The following BEND3 variants were observed in gnomAD, a reference collection of about 807,000 sequenced individuals.
BEND3 encodes BEN domain-containing protein 3.
In BEND3, 13 loss-of-function variants were observed where a neutral mutation model predicts 60.1. The observed-to-expected ratio is 0.22, with a 90% CI of 0.14 to 0.34. The LOEUF is 0.34. Among genes scored for constraint, BEND3 ranks in the 10% least tolerant of loss-of-function variants. The pLI is 1.00. For synonymous variants in BEND3, 497 were observed against 491.5 expected, an observed-to-expected ratio of 1.01 and a Z score of -0.15; for missense variants, 896 against 1,138.1, an observed-to-expected ratio of 0.79 and a Z score of 3.06.
At chr6:107,097,299 G>C (rs998008379) in intron 3 of BEND3, among the ~76,000 whole-genome samples, 1 of 150,192 alleles carries the variant, frequency 6.7e-6, no homozygotes, top group Non-Finnish European at 1.5e-5. Flanking sequence ...CCCAGGAGGC[G>C]GAGGTTGCGG....
rs2114990860 is a variant in BEND3, at chr6:107,068,423, C to T, written c.*281G>A. 2.6e-6 allele frequency: 1 copy of T among 388,110 alleles called. No homozygotes were observed. Among genetic ancestry groups the T allele is most frequent in the Non-Finnish European group, 4.6e-6 (1 of 217,120 alleles). 24.0% of individuals were successfully genotyped at this position (388,110 alleles called of 1,614,324 possible). On this transcript the variant is annotated 3_prime_UTR_variant, in exon 4 of 4. Coordinates refer to ENST00000369042, the MANE Select transcript of BEND3 (RefSeq NM_001367314.1). The surrounding 1 kb of genome is among the most constrained non-coding windows in gnomAD (Gnocchi z 5.8). ...AGGGCACAACCAGGGAGAGAGGACCCCTAACCTCTGGTCCCTGCCCTCACA... is the reference window on the plus strand; with the variant it reads ...AGGGCACAACCAGGGAGAGAGGACCTCTAACCTCTGGTCCCTGCCCTCACA...
chr6:107,111,512 G>GA (rs66605251), intron 1 of BEND3, among the ~76,000 whole-genome samples: 97 of 149,906 alleles, frequency 6.5e-4, no homozygotes, highest in African/African-American at 2.3e-3. Flanking sequence ...CTGCATCTCA[G>GA]AAAAAAAAAA....
intron 1 of BEND3, among the ~76,000 whole-genome samples, chr6:107,100,779 A>G (rs1321130316): frequency 1.3e-5 from 2 of 152,248 alleles, no homozygotes; most frequent in Non-Finnish European, 2.9e-5. Context: ...ACATTTGGAG[A>G]ATATACATTG....
At chr6:107,102,035 G>A (rs1317746565) in intron 1 of BEND3, among the ~76,000 whole-genome samples, 14 of 152,162 alleles carry the variant, frequency 9.2e-5, no homozygotes, top group Non-Finnish European at 5.9e-5. Flanking sequence ...GGAGGAAAAG[G>A]GTCATGGTGA....
chr6:107,095,133 C>T (rs953670746), intron 3 of BEND3, among the ~76,000 whole-genome samples: 19 of 152,178 alleles, frequency 1.2e-4, no homozygotes, highest in Admixed American at 1.2e-3. Context: ...TGTGCCACTG[C>T]TTTTGCACTC....
intron 1 of BEND3, among the ~76,000 whole-genome samples, chr6:107,104,289 CAAAAAAAA>C (rs34091506): frequency 9.8e-6 from 1 of 101,664 alleles, no homozygotes; most frequent in Non-Finnish European, 2.0e-5. Flanking sequence ...GACTCCGTCT[CAAAAAAAA>C]AAAAAAAAAA....
intron 3 of BEND3, among the ~76,000 whole-genome samples, chr6:107,097,236 A>G (rs1233385142): frequency 6.6e-6 from 1 of 151,714 alleles, no homozygotes; most frequent in African/African-American, 2.4e-5. Context: ...GCGTGGTGGC[A>G]CACGCTTATA....
rs1554239272 is a variant in BEND3, at chr6:107,115,508, A to G, written c.-430T>C. On this transcript the variant is annotated 5_prime_UTR_variant, in exon 1 of 4. Transcript: ENST00000369042. ...CCCAGGCGGCCCGGCGCGCTCGGCCAGCGCAGTGGCTCCACGTGGGCCCGC... is the reference window on the plus strand; with the variant it reads ...CCCAGGCGGCCCGGCGCGCTCGGCCGGCGCAGTGGCTCCACGTGGGCCCGC... Among the ~76,000 whole-genome samples the G allele has an allele frequency of 6.8e-6, 1 of 146,134 alleles. No individual in the cohort carries two copies. The highest frequency in any genetic ancestry group is 1.5e-5 in the Non-Finnish European group (1 of 65,920).
intron 3 of BEND3, among the ~76,000 whole-genome samples, chr6:107,086,381 C>A (rs1775347947): frequency 6.6e-6 from 1 of 152,026 alleles, no homozygotes; most frequent in African/African-American, 2.4e-5. Flanking sequence ...CCCCAGGAGG[C>A]CGAGGTGGGC....
In BEND3 at chr6:107,070,737, C is replaced by G. The variant is rs142662918; in HGVS notation, c.454G>C (p.Val152Leu). Residue 152 changes from valine (V) to leucine (L), a missense_variant, in exon 4 of 4, where the codon GTG (valine) becomes CTG (leucine). Transcript: ENST00000369042. This position sits in a 1 kb window ranked among gnomAD's most constrained non-coding sequence, Gnocchi z 6.9. Reference sequence around the variant, plus strand: ...TTTGCCTTCTCAAAGAGCTCGTACACGTTTAGCAGGTCCCCCGAGGGAGGA... The same window carrying G: ...TTTGCCTTCTCAAAGAGCTCGTACAGGTTTAGCAGGTCCCCCGAGGGAGGA... ...KNPPSGDLLN[V>L]YELFEKANAS... The G allele has an allele frequency of 3.5e-5, 56 of 1,614,012 alleles. No homozygotes were observed. In the African/African-American group the frequency reaches 6.8e-4, roughly 20 times the overall value.
At position 107,066,056 on chromosome 6, in the gene BEND3, G is replaced by A. The variant is rs1016335756; in HGVS notation, c.*2648C>T. 2 of 145,944 alleles carry A rather than the reference G, an allele frequency of 1.4e-5. No homozygotes were observed. Among genetic ancestry groups the A allele is most frequent in the Non-Finnish European group, 1.5e-5 (1 of 67,360 alleles). 9.0% of individuals were successfully genotyped at this position (145,944 alleles called of 1,614,324 possible). A position where few individuals can be genotyped will look rare whatever the true frequency, so the allele number is the denominator to read the frequency against. ...TTACTAGTTCATTCAACATCAAAAC[G>A]TGTCTGTGCTAATCTTTTAGTCCTT... On this transcript the variant is annotated 3_prime_UTR_variant, in exon 4 of 4. Transcript: ENST00000369042.
intron 3 of BEND3, among the ~76,000 whole-genome samples, chr6:107,085,828 C>T (rs1375061916): frequency 6.7e-6 from 1 of 148,952 alleles, no homozygotes; most frequent in Non-Finnish European, 1.5e-5. Context: ...GCTCTGTCGC[C>T]CAGGCTGGAG....
chr6:107,089,606 T>G (rs1452596287), intron 3 of BEND3, among the ~76,000 whole-genome samples: 3 of 130,732 alleles, frequency 2.3e-5, no homozygotes, highest in East Asian at 2.3e-4. Context: ...AAGGATTTTT[T>G]TTTTTCGAGA....
rs1554231316 is a variant in BEND3, at chr6:107,069,039, G to C, written c.2152C>G (p.Pro718Ala). ...ACCTCCTTGTCAGACAGCAGGTAGG[G>C]AGAAGGCACCGGGAAGTCAGGCGAG... ...VPSPDFPVPS[P>A]YLLSDKEVRE... The change falls in exon 4 of 4, where the codon CCC (proline) becomes GCC (alanine). Residue 718 changes from proline (P) to alanine (A), a missense_variant. Physicochemically the swap from Pro to Ala is conservative, Grantham distance 27. Transcript: ENST00000369042. 3 of 1,613,658 alleles carry C rather than the reference G, an allele frequency of 1.9e-6. No individual in the cohort carries two copies. Among genetic ancestry groups the C allele is most frequent in the African/African-American group, 2.7e-5 (2 of 75,032 alleles).
intron 1 of BEND3, among the ~76,000 whole-genome samples, chr6:107,100,853 C>G (rs1775688664): frequency 6.6e-6 from 1 of 152,168 alleles, no homozygotes; most frequent in Non-Finnish European, 1.5e-5. Flanking sequence ...ACTACAAACA[C>G]AGAGTTCTCA....
chr6:107,074,279 G>A (rs1246026938), intron 3 of BEND3, among the ~76,000 whole-genome samples: 6 of 152,282 alleles, frequency 3.9e-5, no homozygotes, highest in African/African-American at 1.4e-4. Context: ...GTTGGGTGTG[G>A]TGGCGCGTGC....
At chr6:107,111,421 G>C (rs1357155938) in intron 1 of BEND3, among the ~76,000 whole-genome samples, 1 of 151,996 alleles carries the variant, frequency 6.6e-6, no homozygotes, top group Non-Finnish European at 1.5e-5. Flanking sequence ...TGAGGCAGGA[G>C]AATCACTTGA....
intron 3 of BEND3, among the ~76,000 whole-genome samples, chr6:107,095,532 A>G (rs1775568086): frequency 6.6e-6 from 1 of 151,872 alleles, no homozygotes; most frequent in South Asian, 2.1e-4. Flanking sequence ...ACATAATCAC[A>G]CTCCTCGGTG....
intron 3 of BEND3, among the ~76,000 whole-genome samples, chr6:107,071,680 T>C (rs1319391863): frequency 6.6e-6 from 1 of 152,234 alleles, no homozygotes; most frequent in African/African-American, 2.4e-5. Flanking sequence ...GTTATATTCA[T>C]ACAATGGAAT....
Sources: allele counts gnomAD v4.1 joint callset (sites outside exome capture counted in the v4.1 genomes callset), GRCh38; gene constraint gnomAD v4.1.1; non-coding constraint Gnocchi (gnomAD v3.1); transcripts MANE v1.5; gene names NCBI Gene and HGNC (gene_info 2026-07-23, HGNC 2026-07-21).